DUSP14: variants seen among roughly 807,000 people sequenced by gnomAD.
The protein encoded by DUSP14 is dual specificity phosphatase 14.
A neutral mutation model predicts 13.2 loss-of-function variants in DUSP14; 5 were observed. That is an observed-to-expected ratio of 0.38 (90% CI 0.20 to 0.80). The LOEUF is 0.80. Among genes scored for constraint, DUSP14 ranks in the 30% least tolerant of loss-of-function variants. The pLI is 0.44. For missense variants in DUSP14, 185 were observed against 264.0 expected, an observed-to-expected ratio of 0.70 and a Z score of 2.07; for synonymous variants, 91 against 103.4, an observed-to-expected ratio of 0.88 and a Z score of 0.73.
chr17:37,506,697 C>A (rs965390360), intron 1 of DUSP14, among the ~76,000 whole-genome samples: 1 of 152,128 alleles, frequency 6.6e-6, no homozygotes, highest in African/African-American at 2.4e-5. Context: ...CCATCCAGTT[C>A]TACTGATCTG....
chr17:37,496,330 C>T (rs1349150196), intron 1 of DUSP14, among the ~76,000 whole-genome samples: 1 of 152,320 alleles, frequency 6.6e-6, no homozygotes, highest in South Asian at 2.1e-4. Flanking sequence ...TTATGCTGGG[C>T]ACAGTGGCTC....
rs531118111 is a variant in DUSP14, at chr17:37,500,091, G to A, written c.-181+10133G>A. ...GGCCTTCGCCAGTTGCCTCCATCCC[G>A]CTGAAGCAGAAGACTCAGCTGTTTA... On this transcript the variant is annotated intron_variant, in intron 1 of 2. Transcript: ENST00000617516. Among the ~76,000 whole-genome samples the A allele has an allele frequency of 2.6e-5, 4 of 152,368 alleles. No individual in the cohort carries two copies. In the East Asian group the frequency reaches 7.7e-4, roughly 29 times the overall value.
At chr17:37,503,959 C>T (rs1480045316) in intron 1 of DUSP14, among the ~76,000 whole-genome samples, 6 of 152,090 alleles carry the variant, frequency 3.9e-5, no homozygotes, top group African/African-American at 9.7e-5. Context: ...TTTGAGAGGC[C>T]AAGGTGGGCA....
intron 2 of DUSP14, among the ~76,000 whole-genome samples, chr17:37,511,921 A>ACAC (rs2054189800): frequency 2.0e-5 from 1 of 49,472 alleles, no homozygotes; most frequent in African/African-American, 7.0e-5. Context: ...ATGCCCAGCC[A>ACAC]CCCCCCCCCC....
chr17:37,496,549 T>A (rs551764371), intron 1 of DUSP14, among the ~76,000 whole-genome samples: 39 of 151,420 alleles, frequency 2.6e-4, no homozygotes, highest in Non-Finnish European at 4.7e-4. Flanking sequence ...AGGTCCGGAG[T>A]TCGAAACCAG....
At chr17:37,493,866 C>G (rs73289995) in intron 1 of DUSP14, among the ~76,000 whole-genome samples, 1 of 151,994 alleles carries the variant, frequency 6.6e-6, no homozygotes, top group Non-Finnish European at 1.5e-5. Flanking sequence ...CCAGGCCTAT[C>G]CTTGTTAAAG....
At chr17:37,502,518 T>C (rs1026239272) in intron 1 of DUSP14, among the ~76,000 whole-genome samples, 1 of 152,144 alleles carries the variant, frequency 6.6e-6, no homozygotes, top group Non-Finnish European at 1.5e-5. Flanking sequence ...CACAGATTCC[T>C]GTAGGTCAGG....
intron 1 of DUSP14, among the ~76,000 whole-genome samples, chr17:37,497,116 C>T (rs2054070987): frequency 6.6e-6 from 1 of 151,792 alleles, no homozygotes; most frequent in African/African-American, 2.4e-5. Context: ...ACATTTCCTT[C>T]CAACTCTATT....
At position 37,512,826 on chromosome 17, in the gene DUSP14, A is replaced by C; in HGVS notation, c.554A>C (p.Tyr185Ser). 6.2e-7 allele frequency: 1 copy of C among 1,611,006 alleles called. No individual in the cohort carries two copies. Among genetic ancestry groups the C allele is most frequent in the Non-Finnish European group, 8.5e-7 (1 of 1,177,754 alleles). ...QTPYGIVPDV[Y>S]EKESRHLMPY... is the part of the protein sequence containing the mutation. ...CCTTATGGCATAGTTCCCGACGTCT[A>C]TGAGAAGGAGTCCCGACACCTGATG... The change falls in exon 3 of 3, where the codon TAT (tyrosine) becomes TCT (serine). Residue 185 changes from tyrosine (Y) to serine (S), a missense_variant. Physicochemically the swap from Tyr to Ser is moderately radical, Grantham distance 144 (BLOSUM62 -2). Coordinates refer to ENST00000617516, the MANE Select transcript of DUSP14 (RefSeq NM_007026.4). This position sits in a 1 kb window ranked among gnomAD's most constrained non-coding sequence, Gnocchi z 4.8.
intron 1 of DUSP14, among the ~76,000 whole-genome samples, chr17:37,501,389 T>A (rs768597918): frequency 6.6e-6 from 1 of 152,230 alleles, no homozygotes; most frequent in African/African-American, 2.4e-5. Context: ...GCGTTCTGCA[T>A]TTCTTTCAAG....
intron 1 of DUSP14, among the ~76,000 whole-genome samples, chr17:37,498,907 C>CTCCTGTTAGAATCACCTA (rs1438147845): frequency 6.6e-6 from 1 of 151,966 alleles, no homozygotes; most frequent in Non-Finnish European, 1.5e-5. Flanking sequence ...AACAGGCAGC[C>CTCCTGTTAGAATCACCTA]CAGGTGATTC....
intron 1 of DUSP14, among the ~76,000 whole-genome samples, chr17:37,509,219 CTA>C (rs199507170): frequency 1.1e-5 from 1 of 91,250 alleles, no homozygotes; most frequent in Non-Finnish European, 2.2e-5. Context: ...TATATATACA[CTA>C]TATATACACA....
chr17:37,493,117 G>C (rs969994213), intron 1 of DUSP14, among the ~76,000 whole-genome samples: 1 of 152,028 alleles, frequency 6.6e-6, no homozygotes, highest in Admixed American at 6.6e-5. Context: ...CGTTGCCTAT[G>C]CCTGTAGTTT....
rs557426749 is a variant in DUSP14 at position 37,496,582 on chromosome 17, C to T, written c.-181+6624C>T. 4.6e-5 allele frequency among the ~76,000 whole-genome samples: 7 copies of T among 152,234 alleles called. No individual in the cohort carries two copies. In the East Asian group the frequency reaches 9.6e-4, roughly 21 times the overall value. On this transcript the variant is annotated intron_variant, in intron 1 of 2. Coordinates refer to ENST00000617516, the MANE Select transcript of DUSP14 (RefSeq NM_007026.4). ...CAGCCTGACCAACATAGTGAAACCC[C>T]GTCTCTACTGAAAATACAAAAATTA...
At position 37,512,806 on chromosome 17, in the gene DUSP14, T is replaced by A. The variant is rs1253009199; in HGVS notation, c.534T>A (p.Tyr178Ter). 1 of 1,613,632 alleles carries A rather than the reference T, an allele frequency of 6.2e-7. No homozygotes were observed. The highest frequency in any genetic ancestry group is 8.5e-7 in the Non-Finnish European group (1 of 1,179,956). Residue 178 changes from tyrosine to a stop codon, truncating the protein, a stop_gained, in exon 3 of 3, where the codon TAT (tyrosine) becomes TAA (stop). Transcript: ENST00000617516. LOFTEE classifies it high-confidence loss of function. The surrounding 1 kb of genome is among the most constrained non-coding windows in gnomAD (Gnocchi z 4.8). ...CAGTTAAAATGGTACAGACACCTTA[T>A]GGCATAGTTCCCGACGTCTATGAGA... The part of the protein sequence containing the change: ...KSTVKMVQTP[Y>*]GIVPDVYEKE...
At chr17:37,509,115 A>ATGTG (rs1555697266) in intron 1 of DUSP14, among the ~76,000 whole-genome samples, 1 of 36,882 alleles carries the variant, frequency 2.7e-5, no homozygotes, top group Non-Finnish European at 4.8e-5. Flanking sequence ...ATATATATAT[A>ATGTG]TATATATATA....
chr17:37,512,714 A>G lies in DUSP14; in HGVS notation c.442A>G (p.Ile148Val), dbSNP rs1407637471. ...CTGGGTGAAAGCCCGGCGACCTGTCATCAGGCCCAACGTAGGCTTCTGGAG... is the reference window on the plus strand; with the variant it reads ...CTGGGTGAAAGCCCGGCGACCTGTCGTCAGGCCCAACGTAGGCTTCTGGAG... ...YNWVKARRPVIRPNVGFWRQL... is the reference protein window; with the variant it reads ...YNWVKARRPVVRPNVGFWRQL... The change falls in exon 3 of 3, where the codon ATC becomes GTC. Residue 148 changes from isoleucine to valine, a missense_variant. Coordinates refer to ENST00000617516, the MANE Select transcript of DUSP14 (RefSeq NM_007026.4). The surrounding 1 kb of genome is among the most constrained non-coding windows in gnomAD (Gnocchi z 4.8). 6.2e-6 allele frequency: 10 copies of G among 1,614,144 alleles called. No individual in the cohort carries two copies. Among genetic ancestry groups the G allele is most frequent in the East Asian group, 4.5e-5 (2 of 44,880 alleles).
intron 1 of DUSP14, among the ~76,000 whole-genome samples, chr17:37,504,948 A>G (rs2054128443): frequency 2.0e-5 from 3 of 151,444 alleles, no homozygotes; most frequent in Admixed American, 1.3e-4. Flanking sequence ...CTGGAGTGCA[A>G]TGGCACGATC....
chr17:37,510,983 G>A (rs987259906), intron 2 of DUSP14, among the ~76,000 whole-genome samples: 1 of 117,982 alleles, frequency 8.5e-6, no homozygotes. Context: ...CTTATTAAAT[G>A]TCAATATATA....
Sources: gnomAD v4.1 joint callset for allele counts (sites outside exome capture counted in the v4.1 genomes callset) on GRCh38, gnomAD v4.1.1 for gene constraint, Gnocchi (gnomAD v3.1) non-coding constraint, MANE v1.5 for transcripts, NCBI Gene and HGNC (gene_info 2026-07-23, HGNC 2026-07-21) for gene names.